Variants in MBP observed in about 807,000 individuals in gnomAD.
MBP encodes myelin basic protein, also known as Golli-MBP.
MBP carries 16 observed loss-of-function variants against 35.8 expected under a neutral mutation model. The ratio of observed to expected loss-of-function variants is 0.45; its 90% confidence interval spans 0.30 to 0.68. The LOEUF (loss-of-function observed/expected upper bound fraction) is 0.68. MBP is among the 30% of genes least tolerant of loss of function. The pLI, the probability that MBP is intolerant of heterozygous loss-of-function variation, is 0.08. For missense variants in MBP, 380 were observed against 404.7 expected (o/e 0.94, Z 0.52); for synonymous variants, 143 against 159.6 (o/e 0.90, Z 0.78).
chr18:77,132,318 G>C (rs780341806), intron 1 of MBP, among the ~76,000 whole-genome samples: 2 of 152,182 alleles, frequency 1.3e-5, no homozygotes, highest in African/African-American at 4.8e-5. Flanking sequence ...ATCGGGGGCG[G>C]CGACTTGGGT....
intron 2 of MBP, among the ~76,000 whole-genome samples, chr18:77,094,768 A>G (rs1975691222): frequency 6.6e-6 from 1 of 152,212 alleles, no homozygotes. Context: ...GCCAGCACAC[A>G]GGAGAGCTCT....
intron 1 of MBP, among the ~76,000 whole-genome samples, chr18:77,108,026 C>T (rs1976334189): frequency 6.6e-6 from 1 of 152,190 alleles, no homozygotes; most frequent in African/African-American, 2.4e-5. Context: ...GAAATGGCCC[C>T]TGAGCACCGG....
chr18:77,100,837 G>A (rs1409558050), intron 2 of MBP, among the ~76,000 whole-genome samples: 2 of 152,052 alleles, frequency 1.3e-5, no homozygotes, highest in Non-Finnish European at 2.9e-5. Context: ...CCAGGTGTGG[G>A]CCACCGCACC....
At chr18:77,036,892 T>A (rs1485563510) in intron 3 of MBP, among the ~76,000 whole-genome samples, 60 of 83,724 alleles carry the variant, frequency 7.2e-4, no homozygotes, top group East Asian at 2.1e-3. Flanking sequence ...TTTTGGAGAC[T>A]GAGCTGAGCA....
At chr18:77,098,337 G>C (rs183759906) in intron 2 of MBP, among the ~76,000 whole-genome samples, 1 of 152,218 alleles carries the variant, frequency 6.6e-6, no homozygotes, top group Non-Finnish European at 1.5e-5. Flanking sequence ...AGCACAGAGA[G>C]AGAAAGTAAC....
At chr18:77,061,341 A>G (rs1185084211) in intron 3 of MBP, among the ~76,000 whole-genome samples, 2 of 152,254 alleles carry the variant, frequency 1.3e-5, no homozygotes, top group Non-Finnish European at 2.9e-5. Flanking sequence ...AAAGCTCTGT[A>G]TGCTTCAAAA....
Position 77,101,569 on chromosome 18 carries a change from C to CA in MBP, c.51+3641dup, listed in dbSNP as rs1012995426. Among the ~76,000 whole-genome samples, 2 of 133,156 alleles carry CA rather than the reference C, an allele frequency of 1.5e-5. No homozygotes were observed. Among genetic ancestry groups the CA allele is most frequent in the Non-Finnish European group, 3.5e-5 (2 of 56,388 alleles). The allele number at this position is 133,156 out of a possible 152,430, so 87.4% of individuals were successfully genotyped here. A position where few individuals can be genotyped will look rare whatever the true frequency, so the allele number is the denominator to read the frequency against. ...ATCTGATGTCTCCTGTTCTGACCCT[C>CA]AACTGGCCCAGGAAGGTGGCTCAAC... On this transcript the variant is annotated intron_variant, in intron 2 of 8. Coordinates refer to ENST00000355994, the MANE Select transcript of MBP (RefSeq NM_001025101.2). The surrounding 1 kb of genome is among the most constrained non-coding windows in gnomAD (Gnocchi z 4.3).
At chr18:77,062,511 G>GA (rs3056727) in intron 3 of MBP, among the ~76,000 whole-genome samples, 24,295 of 131,868 alleles carry the variant, frequency 0.18, 2,451 homozygotes, top group South Asian at 0.25. Flanking sequence ...GAAAGCTGTC[G>GA]AAAAAAAAAA....
intron 3 of MBP, among the ~76,000 whole-genome samples, chr18:77,029,208 A>G (rs1166856792): frequency 1.4e-5 from 2 of 143,080 alleles, no homozygotes; most frequent in African/African-American, 5.0e-5. Flanking sequence ...TAGGAGCTGG[A>G]GACCAGCCCG....
intron 3 of MBP, among the ~76,000 whole-genome samples, chr18:77,059,080 C>T (rs1209677865): frequency 6.6e-6 from 1 of 152,106 alleles, no homozygotes; most frequent in Non-Finnish European, 1.5e-5. Flanking sequence ...ATAATTTAGC[C>T]GTCTCACTTA....
chr18:77,122,517 C>T (rs1430515316), intron 1 of MBP, among the ~76,000 whole-genome samples: 6 of 152,254 alleles, frequency 3.9e-5, no homozygotes, highest in Middle Eastern at 3.4e-3. Context: ...GACAGCAAAA[C>T]GTTACACTGT....
At chr18:77,051,181 T>C (rs1252498734) in intron 3 of MBP, among the ~76,000 whole-genome samples, 1 of 152,194 alleles carries the variant, frequency 6.6e-6, no homozygotes, top group Non-Finnish European at 1.5e-5. Flanking sequence ...TTTATTATTG[T>C]GGGAAATGAT....
At chr18:77,112,993 G>A (rs1487278206) in intron 1 of MBP, 2 of 152,108 alleles carry the variant, frequency 1.3e-5, no homozygotes, top group Non-Finnish European at 2.9e-5. Context: ...AGGCTGGAGT[G>A]CGATGGTGCG....
At chr18:77,089,013 G>A (rs1975393261) in intron 2 of MBP, among the ~76,000 whole-genome samples, 1 of 152,360 alleles carries the variant, frequency 6.6e-6, no homozygotes, top group East Asian at 1.9e-4. Context: ...GCCTGGCGCA[G>A]TGGTGCTCAC....
At chr18:77,014,411 G>C (rs1971512685) in intron 4 of MBP, 1 of 985,462 alleles carries the variant, frequency 1.0e-6, no homozygotes, top group Non-Finnish European at 1.2e-6. Flanking sequence ...CCTCGTTCTA[G>C]ATAGGGAGAA....
At chr18:77,015,985 T>A (rs543897089) in intron 4 of MBP, 1 of 985,300 alleles carries the variant, frequency 1.0e-6, no homozygotes, top group African/African-American at 1.7e-5. Context: ...AAAACTTCTT[T>A]CTCTCCAAAA....
chr18:77,006,323 A>C (rs1970969370), intron 4 of MBP: 1 of 152,302 alleles, frequency 6.6e-6, no homozygotes, highest in African/African-American at 2.4e-5. Flanking sequence ...CTTCCTGCTC[A>C]GGTCAGTGTC....
chr18:76,985,306 G>T (rs955633265), intron 7 of MBP: 9 of 1,298,786 alleles, frequency 6.9e-6, no homozygotes, highest in Middle Eastern at 4.3e-4. Flanking sequence ...ACCCTGGGGG[G>T]CTGTGCGCTG....
intron 3 of MBP, among the ~76,000 whole-genome samples, chr18:77,039,472 T>A (rs539477352): frequency 6.6e-6 from 1 of 152,318 alleles, no homozygotes; most frequent in South Asian, 2.1e-4. Context: ...TTGGTTTTAA[T>A]TTCATAAATG....
Sources: gnomAD v4.1 joint callset for allele counts (sites outside exome capture counted in the v4.1 genomes callset) on GRCh38, gnomAD v4.1.1 for gene constraint, Gnocchi (gnomAD v3.1) non-coding constraint, MANE v1.5 for transcripts, NCBI Gene and HGNC (gene_info 2026-07-23, HGNC 2026-07-21) for gene names.